Variants in KIRREL2 observed in about 807,000 individuals in gnomAD.
KIRREL2 encodes the protein kirre like nephrin family adhesion molecule 2, also known as kin of IRRE-like protein 2.
A neutral mutation model predicts 73.4 loss-of-function variants in KIRREL2; 56 were observed. The observed-to-expected ratio is 0.76, with a 90% CI of 0.62 to 0.95. KIRREL2 has a LOEUF of 0.95. Ranked by LOEUF, KIRREL2 falls within the 40% of genes least tolerant of loss-of-function variation. The probability of loss-of-function intolerance (pLI) is 0.00; values close to 1 mark genes in which losing one functional copy is unlikely to be tolerated. For synonymous variants in KIRREL2, 407 were observed against 404.0 expected (o/e 1.01, Z -0.09); for missense variants, 896 against 935.0 (o/e 0.96, Z 0.54).
chr19:35,856,724 C>T (rs950275054), upstream of KIRREL2: 7 of 364,808 alleles, frequency 1.9e-5, no homozygotes, highest in African/African-American at 1.3e-4. This position sits in a 1 kb window ranked among gnomAD's most constrained non-coding sequence, Gnocchi z 5.9. Flanking sequence ...CCTCCCTCCT[C>T]GAACCCAGGT....
chr19:35,858,715 G>C lies in KIRREL2; in HGVS notation c.373G>C (p.Ala125Pro). ...AQLHVLVPPEAPQVLGGPSVS... is the reference protein window; with the variant it reads ...AQLHVLVPPEPPQVLGGPSVS... ...AATCCACCTTGCAGTCCCCCCAGAA[G>C]CCCCCCAGGTGCTGGGCGGCCCCTC... is the stretch of plus-strand genomic sequence containing the variant. The change falls in exon 4 of 15, where the codon GCC becomes CCC. Residue 125 changes from alanine (A) to proline (P), a missense_variant. Transcript: ENST00000360202. The C allele has an allele frequency of 1.2e-6, 2 of 1,614,070 alleles. No homozygotes were observed. Among genetic ancestry groups the C allele is most frequent in the Non-Finnish European group, 1.7e-6 (2 of 1,179,994 alleles).
Position 35,861,265 on chromosome 19 carries a change from G to A in KIRREL2, c.1189+11G>A, listed in dbSNP as rs1379901577. ...GGCTGACTGTGAACGGTGAGAAGGC[G>A]GGGCTTCCTAGGGGACCTGGCCCGT... On this transcript the variant is annotated intron_variant, in intron 9 of 14. Coordinates refer to ENST00000360202, the MANE Select transcript of KIRREL2 (RefSeq NM_199180.4). The A allele has an allele frequency of 1.3e-6, 2 of 1,523,194 alleles. No individual in the cohort carries two copies. Among genetic ancestry groups the A allele is most frequent in the Non-Finnish European group, 1.7e-6 (2 of 1,146,504 alleles). The allele number at this position is 1,523,194 out of a possible 1,614,324, so 94.4% of individuals were successfully genotyped here.
chr19:35,861,361 C>A, intron 9 of KIRREL2, 107 bp downstream of exon 9: 1 of 1,496,154 alleles, frequency 6.7e-7, no homozygotes, highest in Non-Finnish European at 8.9e-7. Flanking sequence ...AGCTTTACAC[C>A]CAGCGGGGGC....
rs778624204 is a variant in KIRREL2, at chr19:35,857,514, G to T, written c.211+20G>T. On this transcript the variant is annotated intron_variant, in intron 2 of 14. Coordinates refer to ENST00000360202, the MANE Select transcript of KIRREL2 (RefSeq NM_199180.4). ...TACCAGGTAAGAGTGTTCTCTCCAC[G>T]CTGGGACGGGCTGGCTAGGGGGAGA... is the stretch of plus-strand genomic sequence containing the variant. 2.0e-6 allele frequency: 3 copies of T among 1,524,102 alleles called. No individual in the cohort carries two copies. Among genetic ancestry groups the T allele is most frequent in the Admixed American group, 2.2e-5 (1 of 45,968 alleles). 94.4% of individuals were successfully genotyped at this position (1,524,102 alleles called of 1,614,324 possible).
chr19:35,857,144 C>A lies in KIRREL2; in HGVS notation c.25C>A (p.Leu9Ile). The part of the protein sequence containing the change: MLRMRVPA[L>I]LVLLFCFRGR... ...AATGCTCAGGATGCGGGTCCCCGCC[C>A]TCCTCGTCCTCCTCTTCTGCTTCAG... The change falls in exon 1 of 15, where the codon CTC (leucine) becomes ATC (isoleucine). Residue 9 changes from leucine to isoleucine, a missense_variant. Physicochemically the swap from Leu to Ile is conservative, Grantham distance 5. Coordinates refer to ENST00000360202, the MANE Select transcript of KIRREL2 (RefSeq NM_199180.4). 1 of 1,613,620 alleles carries A rather than the reference C, an allele frequency of 6.2e-7. No individual in the cohort carries two copies. The highest frequency in any genetic ancestry group is 8.5e-7 in the Non-Finnish European group (1 of 1,179,938).
In KIRREL2 at chr19:35,860,286, C is replaced by T. The variant is rs1390533265; in HGVS notation, c.674-11C>T. On this transcript the variant is annotated splice_polypyrimidine_tract_variant and intron_variant, in intron 5 of 14. Coordinates refer to ENST00000360202, the MANE Select transcript of KIRREL2 (RefSeq NM_199180.4). Reference sequence around the variant, plus strand: ...GTCCTTGCCCATCTGACCATTGTCCCACCCTCACAGACCCCCCAGAGGTGA... The same window carrying T: ...GTCCTTGCCCATCTGACCATTGTCCTACCCTCACAGACCCCCCAGAGGTGA... 2.5e-6 allele frequency: 4 copies of T among 1,611,504 alleles called. No homozygotes were observed. In the Admixed American group the frequency reaches 5.0e-5, roughly 20 times the overall value.
rs369054618 is a variant in KIRREL2 at position 35,857,462 on chromosome 19, G to A, written c.179G>A (p.Gly60Glu). The A allele has an allele frequency of 7.5e-6, 12 of 1,608,948 alleles. No individual in the cohort carries two copies. The African/African-American group carries it at 9.4e-5, about 13-fold the overall frequency. Residue 60 changes from glycine (G) to glutamate (E), a missense_variant, in exon 2 of 15, where the codon GGG (glycine) becomes GAG (glutamate). Transcript: ENST00000360202. ...GGGCTAGTTCAGTGGACTAAGAGTG[G>A]GCTGGCCCTAGGGGGCCAAAGGGAC... is the stretch of plus-strand genomic sequence containing the variant. Reference protein sequence around the residue: ...YWGLVQWTKSGLALGGQRDLP... With the variant: ...YWGLVQWTKSELALGGQRDLP...
upstream of KIRREL2, chr19:35,856,811 C>T (rs1351775190): frequency 8.7e-6 from 4 of 460,534 alleles, no homozygotes; most frequent in Non-Finnish European, 1.6e-5. This position sits in a 1 kb window ranked among gnomAD's most constrained non-coding sequence, Gnocchi z 5.9. Context: ...CCCATTCATC[C>T]GCGTCTCAGC....
chr19:35,859,787 G>A (rs908497679), intron 5 of KIRREL2, among the ~76,000 whole-genome samples, 156 bp downstream of exon 5: 1 of 152,176 alleles, frequency 6.6e-6, no homozygotes, highest in African/African-American at 2.4e-5. Flanking sequence ...GCTCACGCCT[G>A]TACTCACAGA....
At chr19:35,861,464 T>A in intron 9 of KIRREL2, 77 bp from the exon 10 acceptor site, 1 of 1,513,234 alleles carries the variant, frequency 6.6e-7, no homozygotes, top group Non-Finnish European at 9.1e-7. Context: ...GAGAGTGCGC[T>A]GGACAGACCC....
upstream of KIRREL2, chr19:35,851,930 C>A (rs1312437659): frequency 4.6e-6 from 5 of 1,075,992 alleles, no homozygotes; most frequent in East Asian, 1.3e-4. Flanking sequence ...GTGTCTCTGC[C>A]ACCTGCTTTT....
At position 35,860,603 on chromosome 19, in the gene KIRREL2, C is replaced by G. The variant is rs1973624968; in HGVS notation, c.864C>G (p.Pro288=). The change falls in exon 7 of 15, where the codon CCC becomes CCG. Residue 288 remains proline, a synonymous_variant. Transcript: ENST00000360202. ...CAGACGCCTCGTTCCTGACTGAGCC[C>G]GTGTCCTGCGAGGTCAGCAACGCCG... ...VVADASFLTE[P]VSCEVSNAVG... 2 of 1,603,712 alleles carry G rather than the reference C, an allele frequency of 1.2e-6. No homozygotes were observed. The highest frequency in any genetic ancestry group is 1.1e-5 in the South Asian group (1 of 91,084).
At chr19:35,856,197 A>C (rs574612025), upstream of KIRREL2, among the ~76,000 whole-genome samples, 1 of 152,258 alleles carries the variant, frequency 6.6e-6, no homozygotes, top group South Asian at 2.1e-4. The surrounding 1 kb of genome is among the most constrained non-coding windows in gnomAD (Gnocchi z 5.9). Flanking sequence ...AGCCGTCAGG[A>C]CAAGCTGCGC....
chr19:35,851,554 GCCAGGGGTGCTGACC>G (rs764566346), upstream of KIRREL2: 12 of 1,613,980 alleles, frequency 7.4e-6, no homozygotes, highest in Non-Finnish European at 9.3e-6. Context: ...GCACCGCACT[GCCAGGGGTGCTGACC>G]CCACAACGCA....
chr19:35,860,986 C>G lies in KIRREL2; in HGVS notation c.1006C>G (p.Arg336Gly). Reference protein sequence around the residue: ...GEDASFSCAWRGNPLPRVTWT... With the variant: ...GEDASFSCAWGGNPLPRVTWT... ...AGACGCTTCCTTCAGCTGCGCCTGG[C>G]GCGGGAACCCGCTTCCACGGGTAAC... Residue 336 changes from arginine to glycine, a missense_variant, in exon 8 of 15, where the codon CGC becomes GGC. Transcript: ENST00000360202. 6.2e-7 allele frequency: 1 copy of G among 1,612,970 alleles called. No homozygotes were observed.
At position 35,858,557 on chromosome 19, in the gene KIRREL2, G is replaced by A. The variant is rs78060569; in HGVS notation, c.361G>A (p.Val121Ile). 3.0e-4 allele frequency: 485 copies of A among 1,613,982 alleles called. 2 individuals carry two copies. The East Asian group carries it at 0.01, about 34-fold the overall frequency. ...RSRPAQLHVL[V>I]PPEAPQVLGG... Reference sequence around the variant, plus strand: ...CAGACCAGCCCAACTGCACGTGCTGGGTAAGGACCTCGCCCACTTGTCCCC... The same window carrying A: ...CAGACCAGCCCAACTGCACGTGCTGAGTAAGGACCTCGCCCACTTGTCCCC... The change falls in exon 3 of 15, where the codon GTC (valine) becomes ATC (isoleucine). Residue 121 changes from valine (V) to isoleucine (I), a missense_variant and splice_region_variant. By Grantham distance (29) the Val-to-Ile change is conservative. Coordinates refer to ENST00000360202, the MANE Select transcript of KIRREL2 (RefSeq NM_199180.4).
Position 35,859,626 on chromosome 19 carries a change from T to C in KIRREL2, c.668T>C (p.Leu223Pro), listed in dbSNP as rs768142916. 2.5e-6 allele frequency: 4 copies of C among 1,613,618 alleles called. No individual in the cohort carries two copies. Among genetic ancestry groups the C allele is most frequent in the Non-Finnish European group, 2.5e-6 (3 of 1,179,982 alleles). ...AGAGACACAGCTATCACACTGAGCC[T>C]GCAGTGTGAGTGCAGCTGGCCCTGG... ...TGRDTAITLS[L>P]QYPPEVTLSA... The change falls in exon 5 of 15, where the codon CTG (leucine) becomes CCG (proline). Residue 223 changes from leucine (L) to proline (P), a missense_variant. Physicochemically the swap from Leu to Pro is moderately conservative, Grantham distance 98. Coordinates refer to ENST00000360202, the MANE Select transcript of KIRREL2 (RefSeq NM_199180.4).
chr19:35,857,569 C>G, intron 2 of KIRREL2, 75 bp downstream of exon 2: 1 of 1,405,310 alleles, frequency 7.1e-7, no homozygotes, highest in South Asian at 1.4e-5. Context: ...CCTGCAGTTT[C>G]TATTTTGACA....
At chr19:35,862,784 C>G in intron 12 of KIRREL2, 143 bp from the exon 13 acceptor site, 1 of 686,350 alleles carries the variant, frequency 1.5e-6, no homozygotes, top group East Asian at 2.7e-5. Context: ...GGTCACACTC[C>G]TCGGTGGGAA....
Sources: gnomAD v4.1 joint callset for allele counts (sites outside exome capture counted in the v4.1 genomes callset) on GRCh38, gnomAD v4.1.1 for gene constraint, Gnocchi (gnomAD v3.1) non-coding constraint, MANE v1.5 for transcripts, NCBI Gene and HGNC (gene_info 2026-07-23, HGNC 2026-07-21) for gene names.